ALPK2: variants seen among roughly 807,000 people sequenced by gnomAD.
The protein encoded by ALPK2 is alpha-protein kinase 2.
ALPK2 carries 127 observed loss-of-function variants against 163.1 expected under a neutral mutation model. That is an observed-to-expected ratio of 0.78 (90% CI 0.67 to 0.90). The LOEUF is 0.90. ALPK2 is among the 40% of genes least tolerant of loss of function. The pLI, the probability that ALPK2 is intolerant of heterozygous loss-of-function variation, is 0.00. For synonymous variants in ALPK2, 953 were observed against 959.1 expected (o/e 0.99, Z 0.12); for missense variants, 2,360 against 2,589.6 (o/e 0.91, Z 1.92).
chr18:58,530,494 G>A (rs926017876), intron 5 of ALPK2, among the ~76,000 whole-genome samples: 5 of 152,234 alleles, frequency 3.3e-5, no homozygotes, highest in African/African-American at 1.2e-4. Context: ...TCTCGACCAA[G>A]CCCACCTCCT....
At chr18:58,566,347 A>G (rs2051852960) in intron 4 of ALPK2, 1 of 152,096 alleles carries the variant, frequency 6.6e-6, no homozygotes, top group Non-Finnish European at 1.5e-5. Flanking sequence ...CTCTTTCCTC[A>G]GTTTGGTTTA....
intron 10 of ALPK2, among the ~76,000 whole-genome samples, chr18:58,510,799 G>T (rs898493556): frequency 6.6e-6 from 1 of 152,304 alleles, no homozygotes; most frequent in East Asian, 1.9e-4. Flanking sequence ...AGATGATGGG[G>T]TTTTCTAGAT....
At chr18:58,497,289 A>G (rs1326852529) in intron 12 of ALPK2, among the ~76,000 whole-genome samples, 1 of 152,160 alleles carries the variant, frequency 6.6e-6, no homozygotes, top group Admixed American at 6.5e-5. Context: ...CCTCCCCCTT[A>G]CAGATGGTCT....
intron 4 of ALPK2, among the ~76,000 whole-genome samples, chr18:58,573,386 A>G (rs1410045305): frequency 6.8e-6 from 1 of 146,276 alleles, no homozygotes; most frequent in African/African-American, 2.5e-5. Flanking sequence ...GTGTGTGTAT[A>G]TATATATATG....
At chr18:58,549,070 G>A (rs1028084406) in intron 4 of ALPK2, among the ~76,000 whole-genome samples, 1 of 152,174 alleles carries the variant, frequency 6.6e-6, no homozygotes, top group Non-Finnish European at 1.5e-5. Flanking sequence ...TGCCTGGTTT[G>A]TTGGGGTCTT....
chr18:58,526,134 T>A (rs1047368244), intron 6 of ALPK2, among the ~76,000 whole-genome samples: 1 of 152,164 alleles, frequency 6.6e-6, no homozygotes, highest in Non-Finnish European at 1.5e-5. Context: ...TCTTACCCTG[T>A]AAGGGACAAA....
Position 58,502,172 on chromosome 18 carries a change from ACACACAC to A in ALPK2, c.6247+1752_6247+1758del, listed in dbSNP as rs1350538161. On this transcript the variant is annotated intron_variant, in intron 11 of 12. Transcript: ENST00000361673. ...CACACACACACACACACACACACAC[ACACACAC>A]AAAGAAAAAAAAAAGGAAAGAAAAA... 7.2e-3 allele frequency among the ~76,000 whole-genome samples: 1,042 copies of A among 145,440 alleles called. 9 individuals carry two copies. The highest frequency in any genetic ancestry group is 0.024 in the East Asian group (101 of 4,258).
At chr18:58,618,058 T>TA (rs1332378216) in intron 1 of ALPK2, among the ~76,000 whole-genome samples, 1 of 152,172 alleles carries the variant, frequency 6.6e-6, no homozygotes, top group East Asian at 1.9e-4. Context: ...TATATATATA[T>TA]TTTTGAGATG....
chr18:58,492,747 G>T (rs1568065089), intron 12 of ALPK2, among the ~76,000 whole-genome samples: 1 of 152,202 alleles, frequency 6.6e-6, no homozygotes, highest in Non-Finnish European at 1.5e-5. Context: ...AGGGAATAGG[G>T]TCAGGAGTGG....
chr18:58,584,828 G>T (rs1879679116), intron 3 of ALPK2, among the ~76,000 whole-genome samples: 1 of 152,220 alleles, frequency 6.6e-6, no homozygotes, highest in Admixed American at 6.5e-5. Context: ...GACTCCAATG[G>T]TAGCAGTTAA....
At chr18:58,616,909 G>A (rs1003975651) in intron 1 of ALPK2, among the ~76,000 whole-genome samples, 1 of 152,020 alleles carries the variant, frequency 6.6e-6, no homozygotes, top group African/African-American at 2.4e-5. Context: ...CGGGGGCTTG[G>A]GGGGTGGGTG....
chr18:58,578,733 G>GACACACACAAGCGCGCGCGCGCACAC (rs2051934953), intron 4 of ALPK2, 81 bp downstream of exon 4: 1 of 474,390 alleles, frequency 2.1e-6, no homozygotes, highest in Non-Finnish European at 3.5e-6. Context: ...TAAAGGAAGA[G>GACACACACAAGCGCGCGCGCGCACAC]ACACACACAC....
At chr18:58,610,505 G>T (rs926586871) in intron 2 of ALPK2, among the ~76,000 whole-genome samples, 1 of 152,090 alleles carries the variant, frequency 6.6e-6, no homozygotes, top group African/African-American at 2.4e-5. Flanking sequence ...GATCAATTCT[G>T]AGTTATTTAT....
intron 3 of ALPK2, among the ~76,000 whole-genome samples, chr18:58,587,678 T>C (rs1200271985): frequency 6.6e-6 from 1 of 152,178 alleles, no homozygotes; most frequent in African/African-American, 2.4e-5. Context: ...AGTTGGTCAA[T>C]TGAGATTATC....
chr18:58,523,310 A>G (rs1007973641), intron 8 of ALPK2, among the ~76,000 whole-genome samples: 1 of 151,760 alleles, frequency 6.6e-6, no homozygotes, highest in African/African-American at 2.4e-5. Flanking sequence ...AATCCAGTCT[A>G]TCATTGTTGG....
intron 11 of ALPK2, among the ~76,000 whole-genome samples, chr18:58,503,022 G>A: frequency 6.6e-6 from 1 of 152,170 alleles, no homozygotes; most frequent in Non-Finnish European, 1.5e-5. Context: ...TCCTTCCCCA[G>A]TTGCACTTCC....
rs77060521 is a variant in ALPK2 at position 58,596,791 on chromosome 18, C to T, written c.227+10531G>A. ...CAGTGAAGAACAGAACCCCTGGATG[C>T]GTTGTGTTAATTCCTCCCACAAATC... On this transcript the variant is annotated intron_variant, in intron 3 of 12. Coordinates refer to ENST00000361673, the MANE Select transcript of ALPK2 (RefSeq NM_052947.4). 5.6e-3 allele frequency among the ~76,000 whole-genome samples: 858 copies of T among 152,096 alleles called. 4 individuals are homozygous for T. Among genetic ancestry groups the T allele is most frequent in the Non-Finnish European group, 9.0e-3 (611 of 67,966 alleles).
At chr18:58,497,336 G>C (rs1052692934) in intron 12 of ALPK2, among the ~76,000 whole-genome samples, 1 of 152,282 alleles carries the variant, frequency 6.6e-6, no homozygotes. Context: ...CAAAGGCGAT[G>C]GTGGTTCCAA....
At chr18:58,513,529 C>G (rs1351954123) in intron 10 of ALPK2, among the ~76,000 whole-genome samples, 1 of 152,110 alleles carries the variant, frequency 6.6e-6, no homozygotes, top group African/African-American at 2.4e-5. Context: ...TTGCATGAGC[C>G]CTTTCCAAGT....
Sources: gnomAD v4.1 joint callset for allele counts (sites outside exome capture counted in the v4.1 genomes callset) on GRCh38, gnomAD v4.1.1 for gene constraint, MANE v1.5 for transcripts, NCBI Gene and HGNC (gene_info 2026-07-23, HGNC 2026-07-21) for gene names.